Variants in CDH13 observed in about 807,000 individuals in gnomAD.
CDH13 encodes the protein cadherin-13.
CDH13 carries 24 observed loss-of-function variants against 63.8 expected under a neutral mutation model. The ratio of observed to expected loss-of-function variants is 0.38; its 90% CI spans 0.27 to 0.53. The LOEUF (loss-of-function observed/expected upper bound fraction) is 0.53. CDH13 is among the 20% of genes least tolerant of loss of function. The pLI is 0.85. For synonymous variants in CDH13, 503 were observed against 355.3 expected (o/e 1.42, Z -4.67); for missense variants, 1,049 against 903.1 (o/e 1.16, Z -2.07).
chr16:82,692,553 CCT>C (rs1216460553), intron 1 of CDH13, among the ~76,000 whole-genome samples: 1 of 152,156 alleles, frequency 6.6e-6, no homozygotes, highest in Non-Finnish European at 1.5e-5. Flanking sequence ...GATTAATTTA[CCT>C]CTCTCTTGTT....
chr16:83,083,929 TCTCA>T (rs2033420331), intron 3 of CDH13, among the ~76,000 whole-genome samples: 1 of 152,214 alleles, frequency 6.6e-6, no homozygotes, highest in African/African-American at 2.4e-5. Context: ...TCCAGGTAAG[TCTCA>T]CTATCTCGTT....
intron 7 of CDH13, among the ~76,000 whole-genome samples, chr16:83,542,514 G>A (rs12165004): frequency 6.6e-6 from 1 of 152,048 alleles, no homozygotes; most frequent in Non-Finnish European, 1.5e-5. Context: ...CAACGGCTGT[G>A]GTAACAAAGC....
At chr16:82,851,768 C>T (rs2039498560) in intron 1 of CDH13, among the ~76,000 whole-genome samples, 1 of 151,950 alleles carries the variant, frequency 6.6e-6, no homozygotes, top group Non-Finnish European at 1.5e-5. Flanking sequence ...CTTTGTAAAC[C>T]CTTCCAGGAC....
At chr16:82,897,897 A>G (rs937375443) in intron 2 of CDH13, among the ~76,000 whole-genome samples, 3 of 152,216 alleles carry the variant, frequency 2.0e-5, no homozygotes, top group Admixed American at 1.3e-4. Flanking sequence ...GCAAACATTT[A>G]TCAAACTCCT....
intron 2 of CDH13, among the ~76,000 whole-genome samples, chr16:82,946,711 ACT>A (rs1314461391): frequency 7.0e-6 from 1 of 142,268 alleles, no homozygotes; most frequent in South Asian, 2.2e-4. Context: ...ACAGAATGAA[ACT>A]CTGTCTCAAA....
At chr16:82,837,616 G>T (rs900540182) in intron 1 of CDH13, among the ~76,000 whole-genome samples, 3 of 152,294 alleles carry the variant, frequency 2.0e-5, no homozygotes. Context: ...TCCCAATGCA[G>T]TCACACAGGA....
intron 9 of CDH13, among the ~76,000 whole-genome samples, chr16:83,673,839 G>C (rs980147255): frequency 6.6e-6 from 1 of 152,220 alleles, no homozygotes; most frequent in East Asian, 1.9e-4. Context: ...AGGGGAAGCA[G>C]TTTCCATCAG....
intron 4 of CDH13, among the ~76,000 whole-genome samples, chr16:83,155,334 T>C (rs1193975533): frequency 6.6e-6 from 1 of 152,190 alleles, no homozygotes; most frequent in Non-Finnish European, 1.5e-5. Flanking sequence ...TGAAAGTCCC[T>C]TAAATGGCCC....
intron 5 of CDH13, among the ~76,000 whole-genome samples, chr16:83,324,040 CTTTT>C (rs200015057): frequency 7.1e-6 from 1 of 141,354 alleles, no homozygotes; most frequent in East Asian, 2.0e-4. Flanking sequence ...TCTTCTTCTT[CTTTT>C]TTTTTTTTTT....
chr16:83,096,305 A>G (rs1196196670), intron 3 of CDH13, among the ~76,000 whole-genome samples: 1 of 152,206 alleles, frequency 6.6e-6, no homozygotes, highest in African/African-American at 2.4e-5. Context: ...AGCAGCCCAG[A>G]AACCAAATAG....
At chr16:83,268,450 A>G (rs929316448) in intron 5 of CDH13, among the ~76,000 whole-genome samples, 9 of 152,106 alleles carry the variant, frequency 5.9e-5, no homozygotes, top group Admixed American at 1.3e-4. Flanking sequence ...TTTTTTCCAA[A>G]CCAGCAGTCA....
intron 4 of CDH13, among the ~76,000 whole-genome samples, chr16:83,172,570 A>G (rs550797758): frequency 6.6e-6 from 1 of 150,376 alleles, no homozygotes; most frequent in Non-Finnish European, 1.5e-5. Flanking sequence ...ATGCCAAAAA[A>G]TGCAAAACAA....
chr16:83,462,605 T>A (rs1365139053), intron 6 of CDH13, among the ~76,000 whole-genome samples: 1 of 151,910 alleles, frequency 6.6e-6, no homozygotes, highest in Non-Finnish European at 1.5e-5. Flanking sequence ...ACAAAAAAAA[T>A]AAATTAGCCA....
intron 1 of CDH13, among the ~76,000 whole-genome samples, chr16:82,653,862 G>A (rs1911007639): frequency 6.6e-6 from 1 of 152,140 alleles, no homozygotes; most frequent in African/African-American, 2.4e-5. Flanking sequence ...GAAGAAGACT[G>A]AAGACCACAT....
At chr16:83,323,521 TC>T (rs2090287723) in intron 5 of CDH13, among the ~76,000 whole-genome samples, 1 of 152,020 alleles carries the variant, frequency 6.6e-6, no homozygotes, top group Non-Finnish European at 1.5e-5. Flanking sequence ...CTTCAGGCGA[TC>T]CACCTGCCTC....
At chr16:82,656,647 A>G (rs1286647745) in intron 1 of CDH13, among the ~76,000 whole-genome samples, 2 of 152,194 alleles carry the variant, frequency 1.3e-5, no homozygotes, top group Non-Finnish European at 2.9e-5. Context: ...TGGTGGATAC[A>G]TGACAAATGT....
intron 3 of CDH13, among the ~76,000 whole-genome samples, chr16:83,087,482 A>T (rs943952179): frequency 1.3e-5 from 2 of 152,038 alleles, no homozygotes; most frequent in East Asian, 3.9e-4. Context: ...AGCCTACCCA[A>T]CATGTCGAAA....
chr16:82,859,690 C>G (rs2039853512), intron 2 of CDH13: 1 of 151,662 alleles, frequency 6.6e-6, no homozygotes, highest in Admixed American at 6.6e-5. Flanking sequence ...AGCTAAGTTC[C>G]TTTAGTCCTA....
chr16:83,083,455 C>G (rs754888014), intron 3 of CDH13, among the ~76,000 whole-genome samples: 1 of 152,150 alleles, frequency 6.6e-6, no homozygotes, highest in Admixed American at 6.5e-5. Context: ...GGAGGTGGAA[C>G]AAAATCCTTG....
Sources: gnomAD v4.1 joint callset for allele counts (sites outside exome capture counted in the v4.1 genomes callset) on GRCh38, gnomAD v4.1.1 for gene constraint, MANE v1.5 for transcripts, NCBI Gene and HGNC (gene_info 2026-07-23, HGNC 2026-07-21) for gene names.